Variants in VAT1L observed in about 807,000 individuals in gnomAD.
VAT1L encodes vesicle amine transport 1 like.
In VAT1L, 34 loss-of-function variants were observed where a neutral mutation model predicts 44.1. The observed-to-expected ratio is 0.77, with a 90% CI of 0.59 to 1.03. The LOEUF (loss-of-function observed/expected upper bound fraction) is 1.03. Among genes scored for constraint, VAT1L ranks in the 50% least tolerant of loss-of-function variants. The pLI is 0.00. For synonymous variants in VAT1L, 253 were observed against 202.2 expected (o/e 1.25, Z -2.13); for missense variants, 615 against 538.8 (o/e 1.14, Z -1.40).
At chr16:77,837,989 G>T (rs2016658821) in intron 3 of VAT1L, among the ~76,000 whole-genome samples, 2 of 152,134 alleles carry the variant, frequency 1.3e-5, no homozygotes, top group South Asian at 4.1e-4. Context: ...TAGAGCGAGG[G>T]GCAAAGAAAG....
Position 77,870,914 on chromosome 16 carries a change from G to A in VAT1L, c.723-5456G>A, listed in dbSNP as rs537316765. 2.9e-4 allele frequency among the ~76,000 whole-genome samples: 44 copies of A among 152,218 alleles called. No homozygotes were observed. The South Asian group carries it at 5.4e-3, about 19-fold the overall frequency. On this transcript the variant is annotated intron_variant, in intron 4 of 8. Coordinates refer to ENST00000302536, the MANE Select transcript of VAT1L (RefSeq NM_020927.3). The stretch of plus-strand genomic sequence containing the variant: ...ATTTCATTAAAAGGGCTACTGCAGC[G>A]CTTTTCAGTGTGGGTGTAACTGAGG...
chr16:77,947,709 C>T (rs1234143676), intron 7 of VAT1L, among the ~76,000 whole-genome samples: 2 of 152,218 alleles, frequency 1.3e-5, no homozygotes, highest in African/African-American at 2.4e-5. Context: ...TTTCAGAACT[C>T]TGTTCTCTTG....
In VAT1L at chr16:77,971,939, T is replaced by C; in HGVS notation, c.1161+6T>C. The C allele has an allele frequency of 1.9e-6, 3 of 1,612,410 alleles. No homozygotes were observed. In the South Asian group the frequency reaches 3.3e-5, roughly 18 times the overall value. On this transcript the variant is annotated splice_donor_region_variant and intron_variant, in intron 8 of 8. Transcript: ENST00000302536. The stretch of plus-strand genomic sequence containing the variant: ...AAAAGACCCCAACTCCACTGGTGAG[T>C]GAAAAGCAGAGGAGTCTGTTCAGTT...
chr16:77,858,403 T>C (rs766762694), intron 3 of VAT1L, among the ~76,000 whole-genome samples: 2 of 152,202 alleles, frequency 1.3e-5, no homozygotes, highest in African/African-American at 2.4e-5. Flanking sequence ...GGATAGCAGA[T>C]ATGCTGCTAC....
chr16:77,969,906 T>A (rs899143455), intron 7 of VAT1L, among the ~76,000 whole-genome samples: 3 of 151,862 alleles, frequency 2.0e-5, no homozygotes, highest in African/African-American at 7.3e-5. Context: ...TTAACAATCA[T>A]ATGACACTAT....
At chr16:77,976,622 A>T (rs1409691313) in intron 8 of VAT1L, among the ~76,000 whole-genome samples, 1 of 152,228 alleles carries the variant, frequency 6.6e-6, no homozygotes, top group African/African-American at 2.4e-5. Context: ...TCTGAGGCAC[A>T]GATCATGTAG....
At chr16:77,934,437 G>A (rs2017768378) in intron 7 of VAT1L, among the ~76,000 whole-genome samples, 2 of 151,982 alleles carry the variant, frequency 1.3e-5, no homozygotes, top group Admixed American at 1.3e-4. Flanking sequence ...GCCAAGGAAT[G>A]CAAGCAGAAT....
chr16:77,953,471 G>C (rs1482210906), intron 7 of VAT1L, among the ~76,000 whole-genome samples: 1 of 152,166 alleles, frequency 6.6e-6, no homozygotes, highest in African/African-American at 2.4e-5. Context: ...TGAAGTTATA[G>C]CCCAATACAG....
chr16:77,797,600 G>C (rs1415452523), intron 1 of VAT1L, among the ~76,000 whole-genome samples: 3 of 152,138 alleles, frequency 2.0e-5, no homozygotes, highest in Non-Finnish European at 4.4e-5. Flanking sequence ...TGCTAGCTGG[G>C]TGTATATAGA....
In VAT1L at chr16:77,888,424, G is replaced by C. The variant is rs78312052; in HGVS notation, c.1077+3622G>C. Among the ~76,000 whole-genome samples, 61 of 152,288 alleles carry C rather than the reference G, an allele frequency of 4.0e-4. 1 individual carries two copies. Among genetic ancestry groups the C allele is most frequent in the Middle Eastern group, 6.8e-3 (2 of 294 alleles). The stretch of plus-strand genomic sequence containing the variant: ...AACAATCCACCAATACAGAGAAAGA[G>C]GACTAGTTGGACATTTTCTATGTTT... On this transcript the variant is annotated intron_variant, in intron 7 of 8. Coordinates refer to ENST00000302536, the MANE Select transcript of VAT1L (RefSeq NM_020927.3).
At chr16:77,857,425 A>G (rs2016870593) in intron 3 of VAT1L, among the ~76,000 whole-genome samples, 1 of 152,206 alleles carries the variant, frequency 6.6e-6, no homozygotes, top group East Asian at 1.9e-4. Flanking sequence ...CTGCTTAAAT[A>G]CAGAATGCTA....
intron 7 of VAT1L, among the ~76,000 whole-genome samples, chr16:77,956,182 T>G (rs556624858): frequency 1.3e-5 from 2 of 152,198 alleles, no homozygotes; most frequent in African/African-American, 2.4e-5. Context: ...AAACATCTCA[T>G]GTACCCCATA....
At chr16:77,836,946 G>A (rs1164966263) in intron 3 of VAT1L, among the ~76,000 whole-genome samples, 1 of 152,166 alleles carries the variant, frequency 6.6e-6, no homozygotes, top group Non-Finnish European at 1.5e-5. Context: ...TCCATACATT[G>A]TCTATAAGAT....
intron 7 of VAT1L, among the ~76,000 whole-genome samples, chr16:77,952,860 A>AAAAAAT (rs1346711016): frequency 6.7e-6 from 1 of 150,334 alleles, no homozygotes; most frequent in African/African-American, 2.4e-5. Flanking sequence ...CCATTTAAAA[A>AAAAAAT]AAAAAAAAAA....
chr16:77,952,166 G>A (rs2018052035), intron 7 of VAT1L, among the ~76,000 whole-genome samples: 1 of 152,186 alleles, frequency 6.6e-6, no homozygotes, highest in African/African-American at 2.4e-5. Flanking sequence ...TTCCTGGGTT[G>A]TAGAAGATTT....
At chr16:77,843,260 G>C (rs1290255169) in intron 3 of VAT1L, among the ~76,000 whole-genome samples, 1 of 152,112 alleles carries the variant, frequency 6.6e-6, no homozygotes, top group African/African-American at 2.4e-5. Flanking sequence ...ATAGGGTCAT[G>C]TTGGCCTCCG....
In VAT1L at chr16:77,964,779, C is replaced by CTTTTTTTTTTTTTT. The variant is rs10566511; in HGVS notation, c.1078-7052_1078-7039dup. ...AACACTGCTCACGCCCTTTGTAGCA[C>CTTTTTTTTTTTTTT]TTTTTTTTTTTTTTTTTTTTTTTTT... On this transcript the variant is annotated intron_variant, in intron 7 of 8. Transcript: ENST00000302536. 2.7e-4 allele frequency among the ~76,000 whole-genome samples: 25 copies of CTTTTTTTTTTTTTT among 91,874 alleles called. 1 individual carries two copies. The East Asian group carries it at 3.5e-3, about 13-fold the overall frequency. 60.3% of individuals were successfully genotyped at this position (91,874 alleles called of 152,430 possible).
At chr16:77,922,686 T>C (rs1193686203) in intron 7 of VAT1L, among the ~76,000 whole-genome samples, 3 of 152,194 alleles carry the variant, frequency 2.0e-5, no homozygotes, top group Non-Finnish European at 4.4e-5. Flanking sequence ...TGCCTGGCAG[T>C]GTTTTAGGCA....
intron 3 of VAT1L, among the ~76,000 whole-genome samples, chr16:77,825,750 C>G (rs1341314562): frequency 6.6e-6 from 1 of 151,878 alleles, no homozygotes; most frequent in Non-Finnish European, 1.5e-5. Context: ...GGCGCCGTGA[C>G]TCACGCCTGT....
Sources: allele counts gnomAD v4.1 joint callset (sites outside exome capture counted in the v4.1 genomes callset), GRCh38; gene constraint gnomAD v4.1.1; transcripts MANE v1.5; gene names NCBI Gene and HGNC (gene_info 2026-07-23, HGNC 2026-07-21).